PIEZO2: variants seen among roughly 807,000 people sequenced by gnomAD.
PIEZO2 encodes piezo-type mechanosensitive ion channel component 2.
A neutral mutation model predicts 337.3 loss-of-function variants in PIEZO2; 172 were observed. The ratio of observed to expected loss-of-function variants is 0.51; its 90% CI spans 0.45 to 0.58. The LOEUF is 0.58. PIEZO2 is among the 20% of genes least tolerant of loss of function. PIEZO2 has a pLI of 0.00. For synonymous variants in PIEZO2, 1,251 were observed against 1,228.5 expected, an observed-to-expected ratio of 1.02 and a Z score of -0.38; for missense variants, 3,028 against 3,391.3, an observed-to-expected ratio of 0.89 and a Z score of 2.66.
chr18:10,696,238 G>T lies in PIEZO2; in HGVS notation c.7026C>A (p.Val2342=). 1 of 1,614,204 alleles carries T rather than the reference G, an allele frequency of 6.2e-7. No homozygotes were observed. Residue 2342 remains valine, a synonymous_variant, in exon 47 of 56, where the codon GTC becomes GTA. Coordinates refer to ENST00000674853, the MANE Select transcript of PIEZO2 (RefSeq NM_001378183.1). ...DITSSLSEDQ[V]PGPFLVMVLI... ...GGACCATCACCAAAAACGGCCCCGGGACCTGGTCCTCTGACAGTGAAGAGG... is the reference window on the plus strand; with the variant it reads ...GGACCATCACCAAAAACGGCCCCGGTACCTGGTCCTCTGACAGTGAAGAGG...
At chr18:11,023,990 A>G (rs1340580754) in intron 2 of PIEZO2, among the ~76,000 whole-genome samples, 1 of 152,166 alleles carries the variant, frequency 6.6e-6, no homozygotes, top group Non-Finnish European at 1.5e-5. Context: ...CTGGCCCGCA[A>G]GCCCCACGCG....
At chr18:11,053,464 A>T (rs2037603757) in intron 2 of PIEZO2, among the ~76,000 whole-genome samples, 1 of 152,192 alleles carries the variant, frequency 6.6e-6, no homozygotes, top group Non-Finnish European at 1.5e-5. Context: ...CCACTTAAAA[A>T]TTTATTAGAG....
chr18:10,825,122 C>T (rs2040630256), intron 7 of PIEZO2, among the ~76,000 whole-genome samples: 1 of 152,158 alleles, frequency 6.6e-6, no homozygotes, highest in Admixed American at 6.5e-5. Flanking sequence ...CCTCGGCCTC[C>T]CAAAGTGCTG....
chr18:10,976,495 T>G (rs187006130), intron 3 of PIEZO2, among the ~76,000 whole-genome samples: 1 of 152,312 alleles, frequency 6.6e-6, no homozygotes, highest in East Asian at 1.9e-4. Context: ...ATACTGGAAC[T>G]TGAAATTGGA....
Position 10,680,089 on chromosome 18 carries a change from C to T in PIEZO2, c.7952+110G>A, listed in dbSNP as rs2034195740. 3.3e-6 allele frequency: 3 copies of T among 908,842 alleles called. No homozygotes were observed. In the Admixed American group the frequency reaches 8.3e-5, roughly 25 times the overall value. 56.3% of individuals were successfully genotyped at this position (908,842 alleles called of 1,614,324 possible). Reference sequence around the variant, plus strand: ...CAAGGCTATAATGATAAAGTAAGATCCACATCAATCTAAAGTTCCCATTCT... The same window carrying T: ...CAAGGCTATAATGATAAAGTAAGATTCACATCAATCTAAAGTTCCCATTCT... On this transcript the variant is annotated intron_variant, in intron 52 of 55. Transcript: ENST00000674853.
At position 10,707,485 on chromosome 18, in the gene PIEZO2, T is replaced by A. The variant is rs886333104; in HGVS notation, c.5588+790A>T. Among the ~76,000 whole-genome samples the A allele has an allele frequency of 6.6e-6, 1 of 152,070 alleles. No individual in the cohort carries two copies. The highest frequency in any genetic ancestry group is 1.5e-5 in the Non-Finnish European group (1 of 68,016). Reference sequence around the variant, plus strand: ...GAAGATGCCCTCTGACTTGCCACCATGAGCAGTCAAAACGAAACTTGTCTT... The same window carrying A: ...GAAGATGCCCTCTGACTTGCCACCAAGAGCAGTCAAAACGAAACTTGTCTT... On this transcript the variant is annotated intron_variant, in intron 40 of 55. Coordinates refer to ENST00000674853, the MANE Select transcript of PIEZO2 (RefSeq NM_001378183.1). This position sits in a 1 kb window ranked among gnomAD's most constrained non-coding sequence, Gnocchi z 4.2.
intron 1 of PIEZO2, among the ~76,000 whole-genome samples, chr18:11,135,289 G>A (rs929941695): frequency 6.6e-6 from 1 of 152,126 alleles, no homozygotes; most frequent in Non-Finnish European, 1.5e-5. Context: ...AAACGCCAGG[G>A]CTATTTTAAG....
chr18:10,726,139 G>A lies in PIEZO2; in HGVS notation c.5029+5268C>T, dbSNP rs2036526122. 1.3e-5 allele frequency among the ~76,000 whole-genome samples: 2 copies of A among 152,122 alleles called. No individual in the cohort carries two copies. Among genetic ancestry groups the A allele is most frequent in the African/African-American group, 4.8e-5 (2 of 41,418 alleles). The stretch of plus-strand genomic sequence containing the variant: ...TGTGTGGGTGCGTGGGTGTAGGGTG[G>A]TGGGGGGATGGGTGGGAGAGGATTC... On this transcript the variant is annotated intron_variant, in intron 36 of 55. Coordinates refer to ENST00000674853, the MANE Select transcript of PIEZO2 (RefSeq NM_001378183.1). This position sits in a 1 kb window ranked among gnomAD's most constrained non-coding sequence, Gnocchi z 5.9.
chr18:10,833,896 T>A lies in PIEZO2; in HGVS notation c.917+21457A>T, dbSNP rs1293185922. Among the ~76,000 whole-genome samples the A allele has an allele frequency of 6.6e-6, 1 of 152,240 alleles. No individual in the cohort carries two copies. Among genetic ancestry groups the A allele is most frequent in the South Asian group, 2.1e-4 (1 of 4,830 alleles). On this transcript the variant is annotated intron_variant, in intron 7 of 55. Transcript: ENST00000674853. This position sits in a 1 kb window ranked among gnomAD's most constrained non-coding sequence, Gnocchi z 4.7. ...TGGCCCTGGACCACATTCCTCCTAA[T>A]CCTTGTCTTTGTTGCTTTTCTACAG...
Position 10,716,071 on chromosome 18 carries a change from C to T in PIEZO2, c.5090-255G>A, listed in dbSNP as rs564165118. Among the ~76,000 whole-genome samples, 11 of 152,264 alleles carry T rather than the reference C, an allele frequency of 7.2e-5. No homozygotes were observed. The highest frequency in any genetic ancestry group is 3.9e-4 in the East Asian group (2 of 5,176). ...TCTTTAGTGGAAACAGAAAGCAGGG[C>T]GGCTCCCTGTGCAGCTGACCCTTGA... is the stretch of plus-strand genomic sequence containing the variant. On this transcript the variant is annotated intron_variant, in intron 37 of 55. Transcript: ENST00000674853. The surrounding 1 kb of genome is among the most constrained non-coding windows in gnomAD (Gnocchi z 4.1).
intron 4 of PIEZO2, among the ~76,000 whole-genome samples, chr18:10,882,365 C>T (rs1226876672): frequency 6.6e-6 from 1 of 152,222 alleles, no homozygotes; most frequent in Non-Finnish European, 1.5e-5. Flanking sequence ...TGTTCTGCCT[C>T]TTCTTGCATT....
intron 35 of PIEZO2, among the ~76,000 whole-genome samples, chr18:10,734,565 G>A (rs1332093575): frequency 6.6e-6 from 1 of 152,236 alleles, no homozygotes; most frequent in Non-Finnish European, 1.5e-5. Flanking sequence ...TCTATAAAAT[G>A]TAAGAATAGG....
At position 10,724,856 on chromosome 18, in the gene PIEZO2, G is replaced by A; in HGVS notation, c.5029+6551C>T. 6.2e-7 allele frequency: 1 copy of A among 1,607,158 alleles called. No homozygotes were observed. ...GGCCACGGCGGCCACATGCGTCGCA[G>A]TGAGAGCACCTACTCTGTAAATAGT... On this transcript the variant is annotated intron_variant, in intron 36 of 55. Transcript: ENST00000674853. The surrounding 1 kb of genome is among the most constrained non-coding windows in gnomAD (Gnocchi z 5.8).
intron 48 of PIEZO2, 56 bp downstream of exon 48, chr18:10,691,169 C>G (rs1052521845): frequency 3.9e-5 from 60 of 1,555,846 alleles, no homozygotes; most frequent in Non-Finnish European, 4.6e-5. Context: ...AATCAAAATG[C>G]CTTTCCACCG....
intron 3 of PIEZO2, among the ~76,000 whole-genome samples, chr18:10,970,549 A>G (rs1043544805): frequency 3.9e-5 from 6 of 152,192 alleles, no homozygotes; most frequent in African/African-American, 1.4e-4. Context: ...GACTAGCAGG[A>G]CTATAATGCA....
intron 17 of PIEZO2, among the ~76,000 whole-genome samples, chr18:10,782,472 AAT>A (rs1377611237): frequency 0.015 from 50 of 3,272 alleles, 1 homozygote; most frequent in Non-Finnish European, 0.037. Flanking sequence ...TATATTAAAT[AAT>A]ATATATTATA....
chr18:10,743,908 C>T (rs2037321507), intron 31 of PIEZO2, among the ~76,000 whole-genome samples: 2 of 152,210 alleles, frequency 1.3e-5, no homozygotes, highest in South Asian at 4.1e-4. Context: ...TGGTCCTCTG[C>T]AAGATAGCGC....
chr18:11,139,258 C>T (rs1383912461), intron 1 of PIEZO2, among the ~76,000 whole-genome samples: 2 of 152,082 alleles, frequency 1.3e-5, no homozygotes, highest in African/African-American at 4.8e-5. Context: ...ATGACAGAGC[C>T]AAGATCAGTA....
rs139163029 is a variant in PIEZO2 at position 10,907,368 on chromosome 18, G to A, written c.329+3818C>T. 2.1e-3 allele frequency among the ~76,000 whole-genome samples: 316 copies of A among 151,956 alleles called. 1 individual carries two copies. Among genetic ancestry groups the A allele is most frequent in the Non-Finnish European group, 3.5e-3 (240 of 67,972 alleles). Reference sequence around the variant, plus strand: ...TGAGGCAGGAGAATCGCCTGAACCCGGGAAGCAGAGGTTGCAGTGAGCTGA... The same window carrying A: ...TGAGGCAGGAGAATCGCCTGAACCCAGGAAGCAGAGGTTGCAGTGAGCTGA... On this transcript the variant is annotated intron_variant, in intron 4 of 55. Transcript: ENST00000674853.
Sources: allele counts gnomAD v4.1 joint callset (sites outside exome capture counted in the v4.1 genomes callset), GRCh38; gene constraint gnomAD v4.1.1; non-coding constraint Gnocchi (gnomAD v3.1); transcripts MANE v1.5; gene names NCBI Gene and HGNC (gene_info 2026-07-23, HGNC 2026-07-21).